Variants in BCO2 observed in about 807,000 individuals in gnomAD.
BCO2 encodes carotenoid-cleaving dioxygenase, mitochondrial.
Under a neutral mutation model 65.8 loss-of-function variants are expected in BCO2, and 56 were observed. That is an observed-to-expected ratio of 0.85 (90% CI 0.69 to 1.06). The LOEUF (loss-of-function observed/expected upper bound fraction) is 1.06, where lower values mean the gene tolerates loss of function less well. Ranked by LOEUF, BCO2 falls within the 50% of genes least tolerant of loss-of-function variation. The probability of loss-of-function intolerance (pLI) is 0.00; values close to 1 mark genes in which losing one functional copy is unlikely to be tolerated. For missense variants in BCO2, 675 were observed against 698.5 expected (o/e 0.97, Z 0.38); for synonymous variants, 233 against 242.3 (o/e 0.96, Z 0.36).
At chr11:112,211,301 AAAT>A (rs1359263493) in intron 8 of BCO2, among the ~76,000 whole-genome samples, 7 of 145,892 alleles carry the variant, frequency 4.8e-5, no homozygotes, top group Non-Finnish European at 1.5e-5. Flanking sequence ...TTTTAAGGTT[AAAT>A]AATATTCGAT....
intron 5 of BCO2, among the ~76,000 whole-genome samples, chr11:112,197,272 G>A (rs1867607146): frequency 6.6e-6 from 1 of 152,186 alleles, no homozygotes; most frequent in Non-Finnish European, 1.5e-5. Flanking sequence ...TTCAGGGTCA[G>A]GTGCAGTGGC....
Position 112,199,688 on chromosome 11 carries a change from T to G in BCO2, c.737-11T>G. ...TGTAAAACAGGTAAGATAGGACTTT[T>G]CATTTTTCAGGTTTCTCCTATAAGG... is the stretch of plus-strand genomic sequence containing the variant. On this transcript the variant is annotated splice_polypyrimidine_tract_variant and intron_variant, in intron 5 of 11. Coordinates refer to ENST00000357685, the MANE Select transcript of BCO2 (RefSeq NM_031938.7). 1 of 1,612,376 alleles carries G rather than the reference T, an allele frequency of 6.2e-7. No individual in the cohort carries two copies. Among genetic ancestry groups the G allele is most frequent in the Non-Finnish European group, 8.5e-7 (1 of 1,178,966 alleles).
chr11:112,184,538 C>T (rs1176945684), intron 2 of BCO2, among the ~76,000 whole-genome samples: 5 of 152,114 alleles, frequency 3.3e-5, no homozygotes, highest in South Asian at 4.1e-4. Context: ...CAGGCATGAG[C>T]CACTGTGCCT....
At chr11:112,180,311 A>C (rs1866999683) in intron 2 of BCO2, among the ~76,000 whole-genome samples, 1 of 152,216 alleles carries the variant, frequency 6.6e-6, no homozygotes, top group Admixed American at 6.5e-5. Context: ...CAGATGTGGA[A>C]TATATGGATA....
At chr11:112,178,624 A>C (rs1285059553) in intron 1 of BCO2, among the ~76,000 whole-genome samples, 1 of 152,210 alleles carries the variant, frequency 6.6e-6, no homozygotes, top group African/African-American at 2.4e-5. Flanking sequence ...TCAGTTCCTT[A>C]TTATACAACT....
At chr11:112,176,694 G>A (rs1866898531) in intron 1 of BCO2, among the ~76,000 whole-genome samples, 1 of 152,118 alleles carries the variant, frequency 6.6e-6, no homozygotes, top group Admixed American at 6.5e-5. Context: ...CCCATAAAGG[G>A]AATTAACATT....
chr11:112,189,318 C>T (rs768315844), intron 2 of BCO2, among the ~76,000 whole-genome samples: 8 of 151,190 alleles, frequency 5.3e-5, no homozygotes, highest in African/African-American at 7.3e-5. Context: ...GAAAGGAGTT[C>T]GAGACCAGTC....
chr11:112,213,228 C>A (rs1279973243), intron 8 of BCO2, among the ~76,000 whole-genome samples: 1 of 138,846 alleles, frequency 7.2e-6, no homozygotes, highest in African/African-American at 2.6e-5. Flanking sequence ...ACCGCAACTT[C>A]CACCTTCCAG....
At chr11:112,190,877 A>G (rs1867365863) in intron 2 of BCO2, among the ~76,000 whole-genome samples, 1 of 149,178 alleles carries the variant, frequency 6.7e-6, no homozygotes, top group Admixed American at 6.7e-5. Flanking sequence ...AAAAAAAAAG[A>G]AAAGAAAATA....
At chr11:112,212,496 T>C (rs1408192824) in intron 8 of BCO2, among the ~76,000 whole-genome samples, 2 of 152,154 alleles carry the variant, frequency 1.3e-5, no homozygotes, top group Non-Finnish European at 2.9e-5. Context: ...AAAGACTCTA[T>C]ATAGTCATAC....
intron 8 of BCO2, among the ~76,000 whole-genome samples, chr11:112,212,646 C>T (rs890445233): frequency 1.3e-5 from 2 of 152,128 alleles, no homozygotes; most frequent in African/African-American, 4.8e-5. Flanking sequence ...ATGCTTAATT[C>T]CTCCAGGAAC....
intron 2 of BCO2, chr11:112,181,788 A>G: frequency 1.2e-6 from 1 of 805,680 alleles, no homozygotes; most frequent in Non-Finnish European, 2.2e-6. Flanking sequence ...CCTTCGATAC[A>G]TTCACTTCAA....
At chr11:112,212,340 T>C (rs1282166606) in intron 8 of BCO2, among the ~76,000 whole-genome samples, 5 of 152,214 alleles carry the variant, frequency 3.3e-5, no homozygotes, top group Admixed American at 1.3e-4. Context: ...GGAGGATTCA[T>C]AAGACTCAAA....
At chr11:112,211,747 G>A (rs1859518240) in intron 8 of BCO2, among the ~76,000 whole-genome samples, 1 of 152,170 alleles carries the variant, frequency 6.6e-6, no homozygotes, top group African/African-American at 2.4e-5. Context: ...TAAGTAGTTA[G>A]GGAAAAACTT....
In BCO2 at chr11:112,214,799, T is replaced by C. The variant is rs769725725; in HGVS notation, c.1370T>C (p.Leu457Pro). 6.2e-7 allele frequency: 1 copy of C among 1,613,898 alleles called. No individual in the cohort carries two copies. The highest frequency in any genetic ancestry group is 1.7e-5 in the Admixed American group (1 of 60,026). The change falls in exon 10 of 12, where the codon CTA becomes CCA. Residue 457 changes from leucine (L) to proline (P), a missense_variant. Transcript: ENST00000357685. Reference protein sequence around the residue: ...CSHENLHQEDLEKEGGIEFPQ... With the variant: ...CSHENLHQEDPEKEGGIEFPQ... Reference sequence around the variant, plus strand: ...CATGAAAATCTACATCAGGAGGACCTAGAAAAGGAAGGAGGCATTGAATTT... The same window carrying C: ...CATGAAAATCTACATCAGGAGGACCCAGAAAAGGAAGGAGGCATTGAATTT...
In BCO2 at chr11:112,179,236, T is replaced by A. The variant is rs757017144; in HGVS notation, c.89-42T>A. ...GGGAAACAGGCAAGTTTATAGAAGATTTGGTAAAATATTTTTTGTGCTTTT... is the reference window on the plus strand; with the variant it reads ...GGGAAACAGGCAAGTTTATAGAAGAATTGGTAAAATATTTTTTGTGCTTTT... On this transcript the variant is annotated intron_variant, in intron 1 of 11. Transcript: ENST00000357685. The A allele has an allele frequency of 2.4e-5, 38 of 1,576,174 alleles. No individual in the cohort carries two copies. The South Asian group carries it at 3.9e-4, about 16-fold the overall frequency.
Position 112,179,344 on chromosome 11 carries a change from C to T in BCO2, c.155C>T (p.Pro52Leu). The T allele has an allele frequency of 6.2e-7, 1 of 1,614,164 alleles. No individual in the cohort carries two copies. The highest frequency in any genetic ancestry group is 8.5e-7 in the Non-Finnish European group (1 of 1,180,040). The change falls in exon 2 of 12, where the codon CCA becomes CTA. Residue 52 changes from proline to leucine, a missense_variant. Physicochemically the swap from Pro to Leu is moderately conservative, Grantham distance 98 (BLOSUM62 -3). Coordinates refer to ENST00000357685, the MANE Select transcript of BCO2 (RefSeq NM_031938.7). ...KAVFGQCRGL[P>L]CVAPLLTTVE... ...GTCTTTGGGCAGTGTCGGGGTCTGC[C>T]ATGTGTTGCACCGCTGCTGACCACA...
intron 2 of BCO2, among the ~76,000 whole-genome samples, chr11:112,187,890 C>T (rs543887316): frequency 6.6e-6 from 1 of 152,054 alleles, no homozygotes; most frequent in Admixed American, 6.6e-5. Flanking sequence ...GTTTCCACAT[C>T]TGTAAAATGG....
chr11:112,206,653 CA>C (rs1465943749), intron 8 of BCO2, among the ~76,000 whole-genome samples: 6 of 152,208 alleles, frequency 3.9e-5, no homozygotes, highest in African/African-American at 1.4e-4. Context: ...TATGTGGTTG[CA>C]ATTTTTTTCC....
Sources: allele counts gnomAD v4.1 joint callset (sites outside exome capture counted in the v4.1 genomes callset), GRCh38; gene constraint gnomAD v4.1.1; transcripts MANE v1.5; gene names NCBI Gene and HGNC (gene_info 2026-07-23, HGNC 2026-07-21).